The following NUP205 variants were observed in gnomAD, a reference collection of about 807,000 sequenced individuals.
NUP205 encodes the protein nucleoporin 205, also known as nuclear pore complex protein Nup205.
NUP205 carries 76 observed loss-of-function variants against 253.8 expected under a neutral mutation model. The observed-to-expected ratio is 0.30, with a 90% confidence interval of 0.25 to 0.36. The LOEUF (loss-of-function observed/expected upper bound fraction) is 0.36, where lower values mean the gene tolerates loss of function less well. NUP205 is among the 10% of genes least tolerant of loss of function. NUP205 has a pLI of 1.00. For missense variants in NUP205, 2,162 were observed against 2,425.5 expected (o/e 0.89, Z 2.28); for synonymous variants, 832 against 850.1 (o/e 0.98, Z 0.37).
intron 34 of NUP205, among the ~76,000 whole-genome samples, chr7:135,629,499 C>CTCTCTCTCTG (rs1794662438): frequency 2.2e-5 from 3 of 135,104 alleles, no homozygotes; most frequent in African/African-American, 8.8e-5. Flanking sequence ...CTCTCTCTCT[C>CTCTCTCTCTG]TCTCTCTCTC....
intron 20 of NUP205, 142 bp downstream of exon 20, chr7:135,606,368 C>A: frequency 1.6e-6 from 1 of 617,930 alleles, no homozygotes; most frequent in Non-Finnish European, 2.8e-6. Flanking sequence ...GTTGAGAATG[C>A]AAAATCCAAA....
intron 22 of NUP205, among the ~76,000 whole-genome samples, chr7:135,611,749 G>A (rs147691193): frequency 0.034 from 5,190 of 152,280 alleles, 116 homozygotes; most frequent in Middle Eastern, 0.096. Flanking sequence ...TGAGGCAGGA[G>A]AATCGCTTGA....
intron 23 of NUP205, among the ~76,000 whole-genome samples, chr7:135,615,121 A>T (rs1425033483): frequency 3.9e-5 from 6 of 152,202 alleles, no homozygotes. Flanking sequence ...TTAACATCTT[A>T]CCTATTATGG....
At chr7:135,590,549 T>G (rs1427460991) in intron 10 of NUP205, among the ~76,000 whole-genome samples, 1 of 152,012 alleles carries the variant, frequency 6.6e-6, no homozygotes, top group African/African-American at 2.4e-5. Context: ...ACCTTTTTTT[T>G]TTTTTGGAGA....
intron 36 of NUP205, among the ~76,000 whole-genome samples, chr7:135,636,168 T>G (rs796366245): frequency 3.9e-5 from 6 of 152,318 alleles, no homozygotes; most frequent in African/African-American, 1.4e-4. Flanking sequence ...CAATTAGATA[T>G]TTTATCAGTC....
chr7:135,576,848 C>T (rs1229462547), intron 4 of NUP205, 121 bp from the exon 5 acceptor site: 2 of 917,552 alleles, frequency 2.2e-6, no homozygotes, highest in Non-Finnish European at 3.2e-6. Flanking sequence ...CGCCACTGCA[C>T]TCCAGCCTGG....
At chr7:135,625,440 A>G in intron 32 of NUP205, 85 bp downstream of exon 32, 1 of 1,017,068 alleles carries the variant, frequency 9.8e-7, no homozygotes, top group Non-Finnish European at 1.4e-6. Flanking sequence ...AATGTGGCAT[A>G]CATTCTGAAT....
Position 135,578,875 on chromosome 7 carries a change from G to T in NUP205, c.1002G>T (p.Ala334=), listed in dbSNP as rs753066141. ...AAGCCACTGTTAGACTTGCCTGGGC[G>T]CTGGCATTGAGGGGAATATCCCAGC... ...GLQATVRLAW[A]LALRGISQLP... The change falls in exon 7 of 43, where the codon GCG becomes GCT. Residue 334 remains alanine (A), a synonymous_variant. Coordinates refer to ENST00000285968, the MANE Select transcript of NUP205 (RefSeq NM_015135.3). 6.2e-7 allele frequency: 1 copy of T among 1,609,244 alleles called. No individual in the cohort carries two copies. Among genetic ancestry groups the T allele is most frequent in the South Asian group, 1.1e-5 (1 of 89,996 alleles).
chr7:135,614,618 G>GA (rs574820064), intron 23 of NUP205, among the ~76,000 whole-genome samples: 27 of 148,938 alleles, frequency 1.8e-4, no homozygotes, highest in African/African-American at 4.2e-4. Flanking sequence ...TGTTTATGAG[G>GA]AAAAAAAAAA....
intron 1 of NUP205, among the ~76,000 whole-genome samples, chr7:135,560,390 T>C (rs927813278): frequency 5.3e-5 from 8 of 151,932 alleles, no homozygotes; most frequent in African/African-American, 1.7e-4. Context: ...CAGCAAAGAG[T>C]GTACATTGTA....
At chr7:135,611,358 G>A (rs980425432) in intron 22 of NUP205, among the ~76,000 whole-genome samples, 1 of 151,958 alleles carries the variant, frequency 6.6e-6, no homozygotes, top group Non-Finnish European at 1.5e-5. Flanking sequence ...ATCTTCTTGT[G>A]TTTTCTTAAC....
intron 22 of NUP205, chr7:135,613,660 C>T (rs929671318): frequency 6.6e-6 from 1 of 151,630 alleles, no homozygotes; most frequent in Non-Finnish European, 1.5e-5. Context: ...CCTCAGCCTT[C>T]CGAGTAGTTG....
intron 22 of NUP205, among the ~76,000 whole-genome samples, chr7:135,610,214 C>G (rs1794193121): frequency 6.6e-6 from 1 of 152,164 alleles, no homozygotes; most frequent in Non-Finnish European, 1.5e-5. Context: ...ATAACATACT[C>G]TCTGTTGTCG....
At position 135,637,933 on chromosome 7, in the gene NUP205, C is replaced by G; in HGVS notation, c.5139C>G (p.Arg1713=). The change falls in exon 37 of 43, where the codon CGC becomes CGG. Residue 1713 remains arginine (R), a splice_region_variant and synonymous_variant. Coordinates refer to ENST00000285968, the MANE Select transcript of NUP205 (RefSeq NM_015135.3). ...ACAAGATATCTTTTTCTTGTTAGCGCCAGTGCTTAGGACTACTAAGTCGCT... is the reference window on the plus strand; with the variant it reads ...ACAAGATATCTTTTTCTTGTTAGCGGCAGTGCTTAGGACTACTAAGTCGCT... ...ELQGHIGRFQ[R]QCLGLLSRFG... 6.2e-7 allele frequency: 1 copy of G among 1,606,836 alleles called. No individual in the cohort carries two copies. The highest frequency in any genetic ancestry group is 8.5e-7 in the Non-Finnish European group (1 of 1,178,046).
chr7:135,618,200 A>G (rs1794398869), intron 27 of NUP205, among the ~76,000 whole-genome samples: 1 of 152,202 alleles, frequency 6.6e-6, no homozygotes, highest in Non-Finnish European at 1.5e-5. Context: ...TATCTATGCC[A>G]CTTCTGTCCC....
At chr7:135,619,380 C>T (rs748847025) in intron 28 of NUP205, 43 bp from the exon 29 acceptor site, 1 of 1,580,864 alleles carries the variant, frequency 6.3e-7, no homozygotes, top group Non-Finnish European at 8.6e-7. Context: ...ATGATTATAG[C>T]TGAAAGCAGG....
chr7:135,610,211 ACT>A (rs1232142135), intron 22 of NUP205, among the ~76,000 whole-genome samples: 1 of 152,090 alleles, frequency 6.6e-6, no homozygotes, highest in Non-Finnish European at 1.5e-5. Flanking sequence ...TTTATAACAT[ACT>A]CTCTGTTGTC....
chr7:135,569,731 A>G (rs1805891251), intron 1 of NUP205, among the ~76,000 whole-genome samples: 1 of 152,036 alleles, frequency 6.6e-6, no homozygotes, highest in Non-Finnish European at 1.5e-5. Context: ...TACTGTTATC[A>G]TGTTTATCAA....
chr7:135,594,303 A>T (rs570302152), intron 12 of NUP205, among the ~76,000 whole-genome samples: 1 of 152,284 alleles, frequency 6.6e-6, no homozygotes, highest in East Asian at 1.9e-4. Context: ...ATTATTTCTC[A>T]TACTTGGAAC....
Sources: gnomAD v4.1 joint callset for allele counts (sites outside exome capture counted in the v4.1 genomes callset) on GRCh38, gnomAD v4.1.1 for gene constraint, MANE v1.5 for transcripts, NCBI Gene and HGNC (gene_info 2026-07-23, HGNC 2026-07-21) for gene names.